The following ASGR1 variants were observed in gnomAD, a reference collection of about 807,000 sequenced individuals.
ASGR1 encodes C-type lectin domain family 4 member H1.
Under a neutral mutation model 33.1 loss-of-function variants are expected in ASGR1, and 35 were observed. That is an observed-to-expected ratio of 1.06 (90% confidence interval 0.81 to 1.40). The LOEUF (loss-of-function observed/expected upper bound fraction) is 1.40, where lower values mean the gene tolerates loss of function less well. Ranked by LOEUF, ASGR1 falls within the 40% of genes most tolerant of loss-of-function variation. ASGR1 has a pLI of 0.00. For synonymous variants in ASGR1, 142 were observed against 152.5 expected, an observed-to-expected ratio of 0.93 and a Z score of 0.51; for missense variants, 396 against 373.7, an observed-to-expected ratio of 1.06 and a Z score of -0.49.
chr17:7,174,685 C>T (rs751157222), intron 5 of ASGR1, among the ~76,000 whole-genome samples: 6 of 147,140 alleles, frequency 4.1e-5, no homozygotes, highest in Non-Finnish European at 9.0e-5. Context: ...CACAACACAT[C>T]CTAACACACA....
chr17:7,177,693 T>C (rs530768625), intron 2 of ASGR1: 1 of 227,112 alleles, frequency 4.4e-6, no homozygotes, highest in African/African-American at 2.3e-5. Flanking sequence ...CCCCTGAAAG[T>C]GGGGAAAGAA....
In ASGR1 at chr17:7,174,142, T is replaced by C. The variant is rs1399281218; in HGVS notation, c.590A>G (p.Glu197Gly). The change falls in exon 7 of 9, where the codon GAG becomes GGG. Residue 197 changes from glutamate to glycine, a missense_variant. Physicochemically the swap from Glu to Gly is moderately conservative, Grantham distance 98. Coordinates refer to ENST00000269299, the MANE Select transcript of ASGR1 (RefSeq NM_001671.5). ...AHLVVVTSWE[E>G]QKFVQHHIGP... ...CCAGACCCTCCGGGTCCTCACCTGC[T>C]CCTCCCAGGACGTGACCACCACCAG... 4.3e-6 allele frequency: 7 copies of C among 1,613,982 alleles called. No homozygotes were observed. The highest frequency in any genetic ancestry group is 5.9e-6 in the Non-Finnish European group (7 of 1,179,960).
intron 5 of ASGR1, 159 bp downstream of exon 5, chr17:7,176,671 A>G (rs751868224): frequency 1.6e-5 from 17 of 1,083,714 alleles, no homozygotes; most frequent in Middle Eastern, 3.0e-4. Flanking sequence ...ACACACACCC[A>G]AAACACACTC....
chr17:7,175,995 TTC>T (rs1464261688), intron 5 of ASGR1, among the ~76,000 whole-genome samples: 1 of 131,760 alleles, frequency 7.6e-6, no homozygotes, highest in Non-Finnish European at 1.6e-5. Context: ...CACTGACACA[TTC>T]TCACACATAA....
At position 7,173,587 on chromosome 17, in the gene ASGR1, A is replaced by C. The variant is rs1597420541; in HGVS notation, c.*72T>G. The C allele has an allele frequency of 6.3e-7, 1 of 1,590,582 alleles. No individual in the cohort carries two copies. Among genetic ancestry groups the C allele is most frequent in the East Asian group, 2.2e-5 (1 of 44,554 alleles). ...CCTAGATGAAAATTCCCGAGAAAGC[A>C]GAAGAGGCCCCCAGATGGGCGGATT... On this transcript the variant is annotated 3_prime_UTR_variant, in exon 9 of 9. Transcript: ENST00000269299. The surrounding 1 kb of genome is among the most constrained non-coding windows in gnomAD (Gnocchi z 4.7).
At chr17:7,175,242 CCA>C (rs1417553911) in intron 5 of ASGR1, among the ~76,000 whole-genome samples, 1 of 150,004 alleles carries the variant, frequency 6.7e-6, no homozygotes, top group Non-Finnish European at 1.5e-5. Context: ...CACAAAACAC[CCA>C]CAACATACAC....
chr17:7,174,538 A>G (rs2069172156), intron 5 of ASGR1, 78 bp from the exon 6 acceptor site: 1 of 1,460,920 alleles, frequency 6.8e-7, no homozygotes, highest in Non-Finnish European at 9.3e-7. Flanking sequence ...GGTCAGCCCT[A>G]CATCCTCCTG....
chr17:7,176,506 GAC>G lies in ASGR1; in HGVS notation c.355+322_355+323del, dbSNP rs918568167. The G allele has an allele frequency of 2.1e-4, 78 of 365,902 alleles. 1 individual carries two copies. The highest frequency in any genetic ancestry group is 3.9e-4 in the South Asian group (14 of 36,332). The allele number at this position is 365,902 out of a possible 1,614,324, so 22.7% of individuals were successfully genotyped here. On this transcript the variant is annotated intron_variant, in intron 5 of 8. Transcript: ENST00000269299. ...ACACTCTATCTCATTCTCACACTCA[GAC>G]ACACACCCCCTCTCATTCCCACACA...
intron 2 of ASGR1, chr17:7,178,155 G>T: frequency 2.9e-6 from 1 of 341,728 alleles, no homozygotes; most frequent in Non-Finnish European, 5.6e-6. Flanking sequence ...GTCCCTGGGT[G>T]GTGTTGGAAG....
At chr17:7,178,695 G>T in intron 1 of ASGR1, 107 bp from the exon 2 acceptor site, 1 of 604,810 alleles carries the variant, frequency 1.7e-6, no homozygotes, top group Non-Finnish European at 2.8e-6. Flanking sequence ...CCATCATGGA[G>T]ACCTTTCTTC....
Position 7,173,455 on chromosome 17 carries a change from T to A in ASGR1, c.*204A>T, listed in dbSNP as rs1567791491. ...GTTTAGGTATATTTCTTTTTACTCT[T>A]AAAAAAAAAAAGTTCACAATGATAA... is the stretch of plus-strand genomic sequence containing the variant. On this transcript the variant is annotated 3_prime_UTR_variant, in exon 9 of 9. Transcript: ENST00000269299. The surrounding 1 kb of genome is among the most constrained non-coding windows in gnomAD (Gnocchi z 4.7). 2 of 512,262 alleles carry A rather than the reference T, an allele frequency of 3.9e-6. No individual in the cohort carries two copies. Among genetic ancestry groups the A allele is most frequent in the African/African-American group, 2.0e-5 (1 of 50,024 alleles). The allele number at this position is 512,262 out of a possible 1,614,324, so 31.7% of individuals were successfully genotyped here. A position where few individuals can be genotyped will look rare whatever the true frequency, so the allele number is the denominator to read the frequency against.
chr17:7,173,956 C>T lies in ASGR1; in HGVS notation c.701+5G>A, dbSNP rs1381491383. The stretch of plus-strand genomic sequence containing the variant: ...GACCCAGGCCGAGGGAGGGCGCGCA[C>T]TCACTTGAAGCCCGTCTCGTAGTCC... On this transcript the variant is annotated splice_donor_5th_base_variant and intron_variant, in intron 8 of 8. Coordinates refer to ENST00000269299, the MANE Select transcript of ASGR1 (RefSeq NM_001671.5). The surrounding 1 kb of genome is among the most constrained non-coding windows in gnomAD (Gnocchi z 4.7). 6.2e-7 allele frequency: 1 copy of T among 1,614,158 alleles called. No individual in the cohort carries two copies. Among genetic ancestry groups the T allele is most frequent in the Non-Finnish European group, 8.5e-7 (1 of 1,179,986 alleles).
At chr17:7,177,156 G>A in intron 3 of ASGR1, 54 bp downstream of exon 3, 1 of 1,612,696 alleles carries the variant, frequency 6.2e-7, no homozygotes, top group Non-Finnish European at 8.5e-7. Flanking sequence ...CCTTGCCACG[G>A]TCCCCCGTCA....
At chr17:7,178,650 G>T in intron 1 of ASGR1, 62 bp from the exon 2 acceptor site, 1 of 1,198,844 alleles carries the variant, frequency 8.3e-7, no homozygotes, top group Admixed American at 2.0e-5. Flanking sequence ...TGGGAATGAG[G>T]GGCCCATCTC....
rs892206965 is a variant in ASGR1 at position 7,173,522 on chromosome 17, C to A, written c.*137G>T. The A allele has an allele frequency of 5.6e-6, 7 of 1,243,242 alleles. No individual in the cohort carries two copies. The African/African-American group carries it at 1.1e-4, about 19-fold the overall frequency. The allele number at this position is 1,243,242 out of a possible 1,614,324, so 77.0% of individuals were successfully genotyped here. Reference sequence around the variant, plus strand: ...AGCGCCACGGGTTTCAAGCTCCTCACCTTCGGAACATCACCCTATCCTTCC... The same window carrying A: ...AGCGCCACGGGTTTCAAGCTCCTCAACTTCGGAACATCACCCTATCCTTCC... On this transcript the variant is annotated 3_prime_UTR_variant, in exon 9 of 9. Coordinates refer to ENST00000269299, the MANE Select transcript of ASGR1 (RefSeq NM_001671.5). The surrounding 1 kb of genome is among the most constrained non-coding windows in gnomAD (Gnocchi z 4.7).
intron 5 of ASGR1, 151 bp from the exon 6 acceptor site, chr17:7,174,611 A>G (rs1009665876): frequency 9.0e-6 from 6 of 668,578 alleles, no homozygotes; most frequent in Non-Finnish European, 1.6e-5. Flanking sequence ...AGAGACCCCC[A>G]TACACACACA....
chr17:7,175,062 G>T (rs1222818653), intron 5 of ASGR1, among the ~76,000 whole-genome samples: 1 of 91,240 alleles, frequency 1.1e-5, no homozygotes. Context: ...ACCCTCACAC[G>T]CACAACACAC....
At position 7,177,304 on chromosome 17, in the gene ASGR1, G is replaced by A. The variant is rs969486855; in HGVS notation, c.93C>T (p.Leu31=). 65 of 1,613,630 alleles carry A rather than the reference G, an allele frequency of 4.0e-5. No individual in the cohort carries two copies. Among genetic ancestry groups the A allele is most frequent in the Non-Finnish European group, 5.3e-5 (63 of 1,179,874 alleles). ...GAGGTCCGGAGCAGAGACGCTGCAG[G>A]AGGGGCTGGGGAGGAGGTGGCCCTG... The part of the protein sequence containing the change: ...LRKGPPPPQP[L]LQRLCSGPRL... The change falls in exon 3 of 9, where the codon CTC becomes CTT. Residue 31 remains leucine, a synonymous_variant. Coordinates refer to ENST00000269299, the MANE Select transcript of ASGR1 (RefSeq NM_001671.5).
chr17:7,176,763 C>A, intron 5 of ASGR1, 67 bp downstream of exon 5: 1 of 1,580,194 alleles, frequency 6.3e-7, no homozygotes, highest in South Asian at 1.1e-5. Context: ...CACACTTTCT[C>A]ACACACATCC....
Sources: allele counts gnomAD v4.1 joint callset (sites outside exome capture counted in the v4.1 genomes callset), GRCh38; gene constraint gnomAD v4.1.1; non-coding constraint Gnocchi (gnomAD v3.1); transcripts MANE v1.5; gene names NCBI Gene and HGNC (gene_info 2026-07-23, HGNC 2026-07-21).